TG: variants seen among roughly 807,000 people sequenced by gnomAD.
TG encodes thyroid hormones.
In TG, 270 loss-of-function variants were observed where a neutral mutation model predicts 324.7. The observed-to-expected ratio is 0.83, with a 90% CI of 0.75 to 0.92. The LOEUF is 0.92. Among genes scored for constraint, TG ranks in the 40% least tolerant of loss-of-function variants. TG has a pLI of 0.00. For synonymous variants in TG, 1,401 were observed against 1,327.0 expected, an observed-to-expected ratio of 1.06 and a Z score of -1.21; for missense variants, 3,591 against 3,456.4, an observed-to-expected ratio of 1.04 and a Z score of -0.98.
Position 133,133,657 on chromosome 8 carries a change from G to T in TG, c.8185G>T (p.Ala2729Ser). The change falls in exon 47 of 48, where the codon GCA becomes TCA. Residue 2729 changes from alanine to serine, a missense_variant. Coordinates refer to ENST00000220616, the MANE Select transcript of TG (RefSeq NM_003235.5). ...SKYISSLKTS[A>S]DGAKGGQSAE... ...GTACATCTCGTCTCTGAAGACATCT[G>T]CAGGTAGCAAAGCCCTGGGACAAGT... 3 of 1,613,552 alleles carry T rather than the reference G, an allele frequency of 1.9e-6. No individual in the cohort carries two copies. The highest frequency in any genetic ancestry group is 2.5e-6 in the Non-Finnish European group (3 of 1,179,718).
In TG at chr8:132,931,024, G is replaced by T. The variant is rs556562339; in HGVS notation, c.4816+1832G>T. On this transcript the variant is annotated intron_variant, in intron 23 of 47. Coordinates refer to ENST00000220616, the MANE Select transcript of TG (RefSeq NM_003235.5). ...GTTTGGGCTGCTGGGACAAAATACC[G>T]TAGACTGGGGGACTTAAACAACAAA... 9.8e-5 allele frequency among the ~76,000 whole-genome samples: 15 copies of T among 152,308 alleles called. No homozygotes were observed. In the South Asian group the frequency reaches 1.4e-3, roughly 15 times the overall value.
Position 133,131,841 on chromosome 8 carries a change from C to A in TG, c.7892C>A (p.Ala2631Asp). 1 of 1,614,174 alleles carries A rather than the reference C, an allele frequency of 6.2e-7. No homozygotes were observed. Among genetic ancestry groups the A allele is most frequent in the Non-Finnish European group, 8.5e-7 (1 of 1,180,024 alleles). ...GAGCTGCTGGCGGATGTTCAGTTTG[C>A]CTTGGGGCTTCCCTTCTACCCAGCC... ...SLELLADVQF[A>D]LGLPFYPAYE... The change falls in exon 46 of 48, where the codon GCC becomes GAC. Residue 2631 changes from alanine (A) to aspartate (D), a missense_variant. Transcript: ENST00000220616.
chr8:133,093,147 T>TCTTTTCTTTTC (rs1564180977), intron 41 of TG, among the ~76,000 whole-genome samples: 5 of 149,794 alleles, frequency 3.3e-5, no homozygotes, highest in African/African-American at 1.3e-4. Context: ...TTCTTTTTTT[T>TCTTTTCTTTTC]TTTTAATTTA....
intron 41 of TG, among the ~76,000 whole-genome samples, chr8:133,083,269 C>A (rs1019088935): frequency 1.3e-5 from 2 of 152,072 alleles, no homozygotes; most frequent in East Asian, 3.9e-4. Flanking sequence ...ATTTTTTGAA[C>A]CTGTTACTTA....
chr8:132,942,801 G>T (rs942279364), intron 26 of TG, among the ~76,000 whole-genome samples: 1 of 152,222 alleles, frequency 6.6e-6, no homozygotes, highest in Non-Finnish European at 1.5e-5. Context: ...GGTCAGGGAA[G>T]GCTTCCAGGA....
chr8:133,114,124 C>T (rs1478725096), intron 44 of TG, among the ~76,000 whole-genome samples: 1 of 152,154 alleles, frequency 6.6e-6, no homozygotes, highest in Admixed American at 6.5e-5. Context: ...TCCAGGCCCA[C>T]CCGGCACGTG....
chr8:133,058,188 G>C lies in TG; in HGVS notation c.7239+28165G>C, dbSNP rs1349414436. ...CGCCTTCCCCTCCCTTACTCAAGTA[G>C]GTAGAAGAGAAAAGAGGAAACAACG... On this transcript the variant is annotated intron_variant, in intron 41 of 47. Transcript: ENST00000220616. Among the ~76,000 whole-genome samples the C allele has an allele frequency of 3.3e-5, 5 of 152,282 alleles. No individual in the cohort carries two copies. In the East Asian group the frequency reaches 9.7e-4, roughly 29 times the overall value.
chr8:133,007,286 A>C (rs1284501179), intron 35 of TG, among the ~76,000 whole-genome samples: 1 of 152,014 alleles, frequency 6.6e-6, no homozygotes, highest in Admixed American at 6.6e-5. Context: ...AAAACACAAG[A>C]GTTGACTTTG....
At chr8:132,979,805 C>G (rs1476632418) in intron 34 of TG, among the ~76,000 whole-genome samples, 1 of 152,156 alleles carries the variant, frequency 6.6e-6, no homozygotes, top group Non-Finnish European at 1.5e-5. Context: ...TCCAGTGATT[C>G]AATTCAATCC....
intron 11 of TG, among the ~76,000 whole-genome samples, chr8:132,894,254 C>A (rs1816780068): frequency 1.3e-5 from 2 of 152,144 alleles, no homozygotes; most frequent in African/African-American, 2.4e-5. Context: ...ACGGCCTGCT[C>A]CAAAGCTTCC....
Position 132,908,201 on chromosome 8 carries a change from A to G in TG, c.3863A>G (p.Gln1288Arg). Residue 1288 changes from glutamine (Q) to arginine (R), a missense_variant, in exon 18 of 48, where the codon CAG (glutamine) becomes CGG (arginine). Transcript: ENST00000220616. ...TTGCCTGCAGGGCCCCAGCTGTGGCAGACCATCCAGACCCAAGGGCACTTT... is the reference window on the plus strand; with the variant it reads ...TTGCCTGCAGGGCCCCAGCTGTGGCGGACCATCCAGACCCAAGGGCACTTT... ...PRACQRPQLWQTIQTQGHFQL... is the reference protein window; with the variant it reads ...PRACQRPQLWRTIQTQGHFQL... 6.2e-7 allele frequency: 1 copy of G among 1,614,030 alleles called. No individual in the cohort carries two copies. Among genetic ancestry groups the G allele is most frequent in the Non-Finnish European group, 8.5e-7 (1 of 1,180,016 alleles).
At chr8:133,015,459 C>A (rs1170730003) in intron 37 of TG, among the ~76,000 whole-genome samples, 1 of 152,184 alleles carries the variant, frequency 6.6e-6, no homozygotes, top group African/African-American at 2.4e-5. Context: ...ACCATTTCTG[C>A]AAAAGAATTT....
At chr8:132,926,440 G>T (rs994268322) in intron 22 of TG, among the ~76,000 whole-genome samples, 2 of 152,298 alleles carry the variant, frequency 1.3e-5, no homozygotes, top group East Asian at 1.9e-4. Flanking sequence ...AGCACCATTT[G>T]CAGTATCCCA....
intron 20 of TG, among the ~76,000 whole-genome samples, chr8:132,918,938 T>C (rs853305): frequency 0.68 from 103,666 of 152,024 alleles, 35,773 homozygotes; most frequent in East Asian, 0.77. Context: ...TTTCCATGGG[T>C]GTGATGTATT....
At chr8:133,126,395 G>A (rs1388281618) in intron 45 of TG, among the ~76,000 whole-genome samples, 1 of 152,170 alleles carries the variant, frequency 6.6e-6, no homozygotes, top group African/African-American at 2.4e-5. Context: ...TGCATGTTTA[G>A]GGCCTGCAAA....
intron 34 of TG, among the ~76,000 whole-genome samples, chr8:132,979,860 T>G (rs1830608309): frequency 6.6e-6 from 1 of 152,090 alleles, no homozygotes; most frequent in African/African-American, 2.4e-5. Flanking sequence ...ACAGGTTAAG[T>G]CTCAGTCCCA....
rs530487151 is a variant in TG at position 132,885,132 on chromosome 8, G to T, written c.1076-1316G>T. On this transcript the variant is annotated intron_variant, in intron 8 of 47. Coordinates refer to ENST00000220616, the MANE Select transcript of TG (RefSeq NM_003235.5). Reference sequence around the variant, plus strand: ...AGGAAAAAAATATTTTAAAAGTTGGGGGGGGGGCGTGGTGGTTAAAAGGTA... The same window carrying T: ...AGGAAAAAAATATTTTAAAAGTTGGTGGGGGGGCGTGGTGGTTAAAAGGTA... Among the ~76,000 whole-genome samples, 19 of 150,500 alleles carry T rather than the reference G, an allele frequency of 1.3e-4. No homozygotes were observed. In the South Asian group the frequency reaches 2.1e-3, roughly 17 times the overall value.
At chr8:133,054,425 G>A (rs1395568299) in intron 41 of TG, among the ~76,000 whole-genome samples, 1 of 152,194 alleles carries the variant, frequency 6.6e-6, no homozygotes, top group Non-Finnish European at 1.5e-5. Flanking sequence ...TGCGATTTGG[G>A]GGGAGATTTA....
intron 41 of TG, among the ~76,000 whole-genome samples, chr8:133,034,682 A>G (rs1204433681): frequency 6.6e-6 from 1 of 152,126 alleles, no homozygotes; most frequent in African/African-American, 2.4e-5. Context: ...CTCTCATAAC[A>G]TCTGCCAAGG....
Sources: allele counts gnomAD v4.1 joint callset (sites outside exome capture counted in the v4.1 genomes callset), GRCh38; gene constraint gnomAD v4.1.1; transcripts MANE v1.5; gene names NCBI Gene and HGNC (gene_info 2026-07-23, HGNC 2026-07-21).